CDH4: variants seen among roughly 807,000 people sequenced by gnomAD.
CDH4 encodes the protein cadherin 4, also known as cadherin-4.
In CDH4, 33 loss-of-function variants were observed where a neutral mutation model predicts 86.0. The observed-to-expected ratio is 0.38, with a 90% CI of 0.29 to 0.51. The LOEUF (loss-of-function observed/expected upper bound fraction) is 0.51. CDH4 is among the 20% of genes least tolerant of loss of function. CDH4 has a pLI of 0.86. For missense variants in CDH4, 1,114 were observed against 1,307.4 expected (o/e 0.85, Z 2.28); for synonymous variants, 555 against 549.4 (o/e 1.01, Z -0.14).
chr20:61,817,495 G>C (rs67646010), intron 4 of CDH4, among the ~76,000 whole-genome samples: 1 of 151,756 alleles, frequency 6.6e-6, no homozygotes. Flanking sequence ...GCAACTTCTC[G>C]CTTTTTTTTT....
intron 2 of CDH4, among the ~76,000 whole-genome samples, chr20:61,491,015 G>A (rs1170122718): frequency 3.3e-5 from 5 of 152,202 alleles, no homozygotes; most frequent in African/African-American, 1.2e-4. Flanking sequence ...ACCAAATGTA[G>A]GCTGCCTGAA....
chr20:61,705,393 A>G (rs867836398), intron 2 of CDH4, among the ~76,000 whole-genome samples: 10 of 152,374 alleles, frequency 6.6e-5, no homozygotes, highest in South Asian at 2.1e-4. Flanking sequence ...GAGCACGTTC[A>G]GCCCTTCATC....
chr20:61,397,522 G>A (rs1424375712), intron 2 of CDH4, among the ~76,000 whole-genome samples: 6 of 151,780 alleles, frequency 4.0e-5, no homozygotes, highest in African/African-American at 7.3e-5. Context: ...CGTCGAGACC[G>A]AACTTGAAAC....
At chr20:61,565,807 G>A (rs953770435) in intron 2 of CDH4, among the ~76,000 whole-genome samples, 1 of 152,222 alleles carries the variant, frequency 6.6e-6, no homozygotes, top group Non-Finnish European at 1.5e-5. Context: ...GCAGAGGGCT[G>A]CTGCCAGGAG....
chr20:61,791,080 A>G (rs918453854), intron 4 of CDH4, among the ~76,000 whole-genome samples: 2 of 152,254 alleles, frequency 1.3e-5, no homozygotes, highest in African/African-American at 4.8e-5. Context: ...AAAACGCTTA[A>G]GGCCTTTCAA....
intron 2 of CDH4, among the ~76,000 whole-genome samples, chr20:61,356,087 G>A (rs79509115): frequency 0.027 from 4,077 of 152,330 alleles, 173 homozygotes; most frequent in African/African-American, 0.092. Flanking sequence ...ATCCCGTGGA[G>A]GTAGGATGAT....
chr20:61,389,435 A>G (rs1417234739), intron 2 of CDH4, among the ~76,000 whole-genome samples: 1 of 152,208 alleles, frequency 6.6e-6, no homozygotes, highest in Non-Finnish European at 1.5e-5. Context: ...CTGGTCCACT[A>G]CAGTATTTCT....
intron 2 of CDH4, among the ~76,000 whole-genome samples, chr20:61,331,642 C>T (rs1343430652): frequency 4.9e-3 from 10 of 2,056 alleles, no homozygotes; most frequent in East Asian, 0.015. Context: ...CCCAGACCCA[C>T]CTCCCGCCCC....
chr20:61,872,696 G>C (rs568041312), intron 6 of CDH4, among the ~76,000 whole-genome samples: 1 of 152,256 alleles, frequency 6.6e-6, no homozygotes, highest in Non-Finnish European at 1.5e-5. Context: ...GAGCACACAC[G>C]TGTGCAGAGC....
intron 7 of CDH4, among the ~76,000 whole-genome samples, chr20:61,876,435 G>C (rs1045480492): frequency 1.3e-5 from 2 of 152,250 alleles, no homozygotes; most frequent in African/African-American, 2.4e-5. Flanking sequence ...TCCAATTGGA[G>C]AGGCAGCTGG....
At chr20:61,337,752 T>C (rs1232957657) in intron 2 of CDH4, among the ~76,000 whole-genome samples, 1 of 152,110 alleles carries the variant, frequency 6.6e-6, no homozygotes, top group East Asian at 1.9e-4. Context: ...AGATTTCTAT[T>C]TCTTTGAGCT....
rs774594318 is a variant in CDH4, at chr20:61,544,577, C to T, written c.170-198986C>T. Among the ~76,000 whole-genome samples, 11 of 151,966 alleles carry T rather than the reference C, an allele frequency of 7.2e-5. No individual in the cohort carries two copies. Among genetic ancestry groups the T allele is most frequent in the East Asian group, 5.9e-4 (3 of 5,086 alleles). ...GACGGTGACGGGATCCCTGCGTTGA[C>T]GGTGGCATGACCGTGTGTGATGGGA... On this transcript the variant is annotated intron_variant, in intron 2 of 15. Coordinates refer to ENST00000614565, the MANE Select transcript of CDH4 (RefSeq NM_001794.5). The surrounding 1 kb of genome is among the most constrained non-coding windows in gnomAD (Gnocchi z 6.5).
At position 61,556,588 on chromosome 20, in the gene CDH4, C is replaced by T. The variant is rs181576456; in HGVS notation, c.170-186975C>T. On this transcript the variant is annotated intron_variant, in intron 2 of 15. Transcript: ENST00000614565. ...AGGGGGCCTCTTGGCCATCACACGG[C>T]GAAGACTCTGTGGTCCAAAATTCCC... Among the ~76,000 whole-genome samples the T allele has an allele frequency of 2.4e-4, 36 of 152,312 alleles. No homozygotes were observed. In the East Asian group the frequency reaches 2.5e-3, roughly 11 times the overall value.
intron 3 of CDH4, among the ~76,000 whole-genome samples, chr20:61,768,446 G>A (rs1457071521): frequency 6.6e-6 from 1 of 152,176 alleles, no homozygotes; most frequent in Non-Finnish European, 1.5e-5. Context: ...TCTGGTAATG[G>A]TGTAGTAGAG....
At position 61,828,355 on chromosome 20, in the gene CDH4, A is replaced by G. The variant is rs544851898; in HGVS notation, c.577-16313A>G. 8.4e-4 allele frequency among the ~76,000 whole-genome samples: 128 copies of G among 152,280 alleles called. 2 individuals carry two copies. In the Middle Eastern group the frequency reaches 0.014, roughly 16 times the overall value. On this transcript the variant is annotated intron_variant, in intron 4 of 15. Transcript: ENST00000614565. ...CCTGACCTGGCCTCTGGATCTTACCACCATGTGTAGGATACAAAAGAGAGG... is the reference window on the plus strand; with the variant it reads ...CCTGACCTGGCCTCTGGATCTTACCGCCATGTGTAGGATACAAAAGAGAGG...
intron 9 of CDH4, among the ~76,000 whole-genome samples, chr20:61,920,861 TCA>T (rs1488033142): frequency 1.4e-5 from 2 of 140,084 alleles, no homozygotes; most frequent in African/African-American, 5.4e-5. Context: ...AAGCATGGTG[TCA>T]CAGTAATTGC....
intron 8 of CDH4, among the ~76,000 whole-genome samples, chr20:61,907,697 G>A (rs780739031): frequency 5.3e-5 from 8 of 152,072 alleles, no homozygotes; most frequent in Non-Finnish European, 7.4e-5. Context: ...GGCCAGGTCA[G>A]CGTCTCCAGG....
intron 2 of CDH4, among the ~76,000 whole-genome samples, chr20:61,666,212 T>C (rs1163053424): frequency 6.6e-6 from 1 of 152,248 alleles, no homozygotes; most frequent in African/African-American, 2.4e-5. Context: ...GGGTGGCTGT[T>C]GCCACACTTT....
intron 2 of CDH4, among the ~76,000 whole-genome samples, chr20:61,401,034 A>G (rs1025029353): frequency 6.6e-6 from 1 of 152,196 alleles, no homozygotes; most frequent in South Asian, 2.1e-4. Flanking sequence ...CCCTCCAGAC[A>G]AGTCCAGAGC....
Sources: allele counts gnomAD v4.1 joint callset (sites outside exome capture counted in the v4.1 genomes callset), GRCh38; gene constraint gnomAD v4.1.1; non-coding constraint Gnocchi (gnomAD v3.1); transcripts MANE v1.5; gene names NCBI Gene and HGNC (gene_info 2026-07-23, HGNC 2026-07-21).